FEZF2: variants seen among roughly 807,000 people sequenced by gnomAD.
FEZF2 encodes fez family zinc finger protein 2.
In FEZF2, 2 loss-of-function variants were observed where a neutral mutation model predicts 32.8. The observed-to-expected ratio is 0.06, with a 90% CI of 0.02 to 0.19. The LOEUF is 0.19. Among genes scored for constraint, FEZF2 ranks in the 10% least tolerant of loss-of-function variants. The pLI, the probability that FEZF2 is intolerant of heterozygous loss-of-function variation, is 1.00. For missense variants in FEZF2, 516 were observed against 625.4 expected (o/e 0.83, Z 1.87); for synonymous variants, 322 against 284.8 (o/e 1.13, Z -1.32).
rs1480998990 is a variant in FEZF2, at chr3:62,369,856, G to T, written c.*227C>A. 5 of 506,670 alleles carry T rather than the reference G, an allele frequency of 9.9e-6. No homozygotes were observed. Among genetic ancestry groups the T allele is most frequent in the South Asian group, 3.2e-5 (1 of 31,644 alleles). 31.4% of individuals were successfully genotyped at this position (506,670 alleles called of 1,614,324 possible). ...GGAGGCCTGGAATTAAATACGTTTC[G>T]GCGCACTGGATTTAAATAAGTTTCC... On this transcript the variant is annotated 3_prime_UTR_variant, in exon 5 of 5. Coordinates refer to ENST00000283268, the MANE Select transcript of FEZF2 (RefSeq NM_018008.4). The surrounding 1 kb of genome is among the most constrained non-coding windows in gnomAD (Gnocchi z 4.2).
intron 2 of FEZF2, 78 bp from the exon 3 acceptor site, chr3:62,371,745 C>G: frequency 6.5e-7 from 1 of 1,534,250 alleles, no homozygotes; most frequent in South Asian, 1.3e-5. Context: ...CACAGCCTAC[C>G]TCCCCCAACC....
intron 2 of FEZF2, 60 bp downstream of exon 2, chr3:62,371,956 CA>C (rs2148945541): frequency 6.4e-7 from 1 of 1,561,518 alleles, no homozygotes; most frequent in South Asian, 1.2e-5. Context: ...CAGGCTGCCC[CA>C]AGGAAGCCGC....
In FEZF2 at chr3:62,370,176, G is replaced by A. The variant is rs756771992; in HGVS notation, c.1287C>T (p.Asn429=). The A allele has an allele frequency of 6.2e-7, 1 of 1,614,192 alleles. No individual in the cohort carries two copies. Among genetic ancestry groups the A allele is most frequent in the South Asian group, 1.1e-5 (1 of 91,086 alleles). The part of the protein sequence containing the change: ...CATCGKGFCR[N]FDLKKHVRKL... ...TGCGCACATGTTTCTTTAAGTCAAA[G>A]TTTCTGCAAAACCCTTTGCCGCAAG... Residue 429 remains asparagine (N), a synonymous_variant, in exon 5 of 5, where the codon AAC becomes AAT. Transcript: ENST00000283268. This position sits in a 1 kb window ranked among gnomAD's most constrained non-coding sequence, Gnocchi z 4.2.
intron 2 of FEZF2, 52 bp downstream of exon 2, chr3:62,371,965 C>T (rs2148945551): frequency 6.4e-7 from 1 of 1,568,642 alleles, no homozygotes; most frequent in Non-Finnish European, 8.6e-7. Flanking sequence ...CCAAGGAAGC[C>T]GCCGCCGCCG....
In FEZF2 at chr3:62,371,323, G is replaced by A; in HGVS notation, c.1014C>T (p.Cys338=). The A allele has an allele frequency of 6.2e-7, 1 of 1,614,174 alleles. No individual in the cohort carries two copies. The highest frequency in any genetic ancestry group is 1.1e-5 in the South Asian group (1 of 91,086). Reference sequence around the variant, plus strand: ...TGGAGCTGCGGTTGAACGCTTTGCCGCACTGGTTGCATTTATGTGGCTTTT... The same window carrying A: ...TGGAGCTGCGGTTGAACGCTTTGCCACACTGGTTGCATTTATGTGGCTTTT... ...TQEKPHKCNQ[C]GKAFNRSSTL... is the part of the protein sequence containing the mutation. Residue 338 remains cysteine, a synonymous_variant, in exon 4 of 5, where the codon TGC becomes TGT. Coordinates refer to ENST00000283268, the MANE Select transcript of FEZF2 (RefSeq NM_018008.4).
At position 62,373,100 on chromosome 3, in the gene FEZF2, C is replaced by G; in HGVS notation, c.-58-174G>C. The G allele has an allele frequency of 3.4e-6, 1 of 293,502 alleles. No individual in the cohort carries two copies. Among genetic ancestry groups the G allele is most frequent in the Non-Finnish European group, 6.2e-6 (1 of 161,638 alleles). 18.2% of individuals were successfully genotyped at this position (293,502 alleles called of 1,614,324 possible). Reference sequence around the variant, plus strand: ...GAACCCACCAGCCCCTGCCCTGGGACTTTGAAAGGGGGAAGAAGGGGGAGG... The same window carrying G: ...GAACCCACCAGCCCCTGCCCTGGGAGTTTGAAAGGGGGAAGAAGGGGGAGG... On this transcript the variant is annotated intron_variant, in intron 1 of 4. Transcript: ENST00000283268. This position sits in a 1 kb window ranked among gnomAD's most constrained non-coding sequence, Gnocchi z 5.5.
chr3:62,372,331 A>C lies in FEZF2; in HGVS notation c.538T>G (p.Tyr180Asp). The change falls in exon 2 of 5, where the codon TAC becomes GAC. Residue 180 changes from tyrosine to aspartate, a missense_variant. Coordinates refer to ENST00000283268, the MANE Select transcript of FEZF2 (RefSeq NM_018008.4). The surrounding 1 kb of genome is among the most constrained non-coding windows in gnomAD (Gnocchi z 9.6). ...YYFNYLDSTAYPPSELLSGHL... is the reference protein window; with the variant it reads ...YYFNYLDSTADPPSELLSGHL... ...CCGCTGAGGAGCTCAGACGGCGGGT[A>C]CGCGGTCGAGTCCAGGTAGTTGAAG... is the stretch of plus-strand genomic sequence containing the variant. 1 of 1,610,190 alleles carries C rather than the reference A, an allele frequency of 6.2e-7. No individual in the cohort carries two copies. Among genetic ancestry groups the C allele is most frequent in the South Asian group, 1.1e-5 (1 of 90,800 alleles).
rs373510140 is a variant in FEZF2 at position 62,372,464 on chromosome 3, G to A, written c.405C>T (p.Cys135=). The A allele has an allele frequency of 3.0e-5, 48 of 1,598,194 alleles. No homozygotes were observed. The African/African-American group carries it at 6.2e-4, about 21-fold the overall frequency. Residue 135 remains cysteine (C), a synonymous_variant, in exon 2 of 5, where the codon TGC becomes TGT. Transcript: ENST00000283268. The surrounding 1 kb of genome is among the most constrained non-coding windows in gnomAD (Gnocchi z 9.6). ...GLCKTNCGVC[C]KAELGLAPSA... is the part of the protein sequence containing the mutation. ...ACGGCGCCAGGCCCAGCTCGGCCTT[G>A]CAGCACACGCCACAGTTGGTTTTGC...
Position 62,372,031 on chromosome 3 carries a change from C to G in FEZF2, c.838G>C (p.Glu280Gln). Residue 280 changes from glutamate (E) to glutamine (Q), a missense_variant, in exon 2 of 5, where the codon GAG (glutamate) becomes CAG (glutamine). Around this residue, in one of 3 missense-constraint regions of FEZF2, gnomAD observed 79 missense variants for 219.4 expected, o/e 0.36. Coordinates refer to ENST00000283268, the MANE Select transcript of FEZF2 (RefSeq NM_018008.4). The surrounding 1 kb of genome is among the most constrained non-coding windows in gnomAD (Gnocchi z 9.6). ...CTGGGCCTCACCTTGCCGCACACCT[C>G]GCAGGTGAAGTTTTTGGGCTTGCCA... ...ADGKPKNFTC[E>Q]VCGKVFNAHY... is the part of the protein sequence containing the mutation. 6.2e-7 allele frequency: 1 copy of G among 1,606,220 alleles called. No individual in the cohort carries two copies. Among genetic ancestry groups the G allele is most frequent in the Non-Finnish European group, 8.5e-7 (1 of 1,179,480 alleles).
In FEZF2 at chr3:62,372,784, C is replaced by G. The variant is rs1357615633; in HGVS notation, c.85G>C (p.Ala29Pro). 6.3e-7 allele frequency: 1 copy of G among 1,596,190 alleles called. No individual in the cohort carries two copies. Among genetic ancestry groups the G allele is most frequent in the African/African-American group, 1.4e-5 (1 of 73,854 alleles). The change falls in exon 2 of 5, where the codon GCC (alanine) becomes CCC (proline). Residue 29 changes from alanine to proline, a missense_variant. This residue lies in a region of FEZF2 where 408 missense variants were observed against 382.2 expected (regional missense o/e 1.07). Coordinates refer to ENST00000283268, the MANE Select transcript of FEZF2 (RefSeq NM_018008.4). The surrounding 1 kb of genome is among the most constrained non-coding windows in gnomAD (Gnocchi z 9.6). The part of the protein sequence containing the change: ...GASPATSKTL[A>P]FSIERIMAKT... ...GCCATGATGCGCTCGATGGAAAAGG[C>G]CAGTGTCTTGGAAGTGGCCGGCGAC...
chr3:62,370,857 AG>A lies in FEZF2; in HGVS notation c.1120+359del, dbSNP rs1212285649. 2.6e-5 allele frequency among the ~76,000 whole-genome samples: 4 copies of A among 152,192 alleles called. No homozygotes were observed. The highest frequency in any genetic ancestry group is 5.9e-5 in the Non-Finnish European group (4 of 68,016). On this transcript the variant is annotated intron_variant, in intron 4 of 4. Transcript: ENST00000283268. This position sits in a 1 kb window ranked among gnomAD's most constrained non-coding sequence, Gnocchi z 4.2. ...CCCCCAATCTTAGATTGTTCCCGGG[AG>A]GGTTATTTTGCCTCCAATATTTTTC...
In FEZF2 at chr3:62,373,480, C is replaced by G. The variant is rs1414522841; in HGVS notation, c.-260G>C. 1 of 152,080 alleles carries G rather than the reference C, an allele frequency of 6.6e-6. No homozygotes were observed. Among genetic ancestry groups the G allele is most frequent in the Non-Finnish European group, 1.5e-5 (1 of 67,984 alleles). The allele number at this position is 152,080 out of a possible 1,614,324, so 9.4% of individuals were successfully genotyped here. A position where few individuals can be genotyped will look rare whatever the true frequency, so the allele number is the denominator to read the frequency against. ...GGCCCCTGTGTTCCCCCGCGCCTGC[C>G]GGCCGCCGCCACCACCGCCCCTCAA... On this transcript the variant is annotated 5_prime_UTR_variant, in exon 1 of 5. Transcript: ENST00000283268. The surrounding 1 kb of genome is among the most constrained non-coding windows in gnomAD (Gnocchi z 5.5).
Position 62,373,058 on chromosome 3 carries a change from TA to T in FEZF2, c.-58-133del, listed in dbSNP as rs1398489142. On this transcript the variant is annotated intron_variant, in intron 1 of 4. Transcript: ENST00000283268. The surrounding 1 kb of genome is among the most constrained non-coding windows in gnomAD (Gnocchi z 5.5). ...CCAAGGGTACCAAATTACCGCCCAT[TA>T]ACCCGGCGCGCAAAGGAACCCACCA... 2.7e-6 allele frequency: 1 copy of T among 368,900 alleles called. No individual in the cohort carries two copies. Among genetic ancestry groups the T allele is most frequent in the East Asian group, 4.8e-5 (1 of 20,682 alleles). The allele number at this position is 368,900 out of a possible 1,614,324, so 22.9% of individuals were successfully genotyped here.
Position 62,370,240 on chromosome 3 carries a change from A to C in FEZF2, c.1223T>G (p.Met408Arg). 1 of 1,614,222 alleles carries C rather than the reference A, an allele frequency of 6.2e-7. No homozygotes were observed. Among genetic ancestry groups the C allele is most frequent in the Non-Finnish European group, 8.5e-7 (1 of 1,180,042 alleles). ...FHQVYNLTFH[M>R]HTHNDKKPFT... ...AGGCTTCTTGTCGTTGTGGGTGTGCATATGGAAGGTTAGGTTGTAGACCTG... is the reference window on the plus strand; with the variant it reads ...AGGCTTCTTGTCGTTGTGGGTGTGCCTATGGAAGGTTAGGTTGTAGACCTG... The change falls in exon 5 of 5, where the codon ATG becomes AGG. Residue 408 changes from methionine (M) to arginine (R), a missense_variant. By Grantham distance (91) the Met-to-Arg change is moderately conservative. This residue lies in a region of FEZF2 where 79 missense variants were observed against 219.4 expected (regional missense o/e 0.36). Coordinates refer to ENST00000283268, the MANE Select transcript of FEZF2 (RefSeq NM_018008.4). This position sits in a 1 kb window ranked among gnomAD's most constrained non-coding sequence, Gnocchi z 4.2.
At chr3:62,371,926 A>G (rs1704275387) in intron 2 of FEZF2, 91 bp downstream of exon 2, 1 of 1,505,386 alleles carries the variant, frequency 6.6e-7, no homozygotes, top group African/African-American at 1.4e-5. Flanking sequence ...GGAGCTCCTC[A>G]GCTTGAAAAA....
In FEZF2 at chr3:62,369,725, T is replaced by C. The variant is rs1039296892; in HGVS notation, c.*358A>G. On this transcript the variant is annotated 3_prime_UTR_variant, in exon 5 of 5. Transcript: ENST00000283268. The surrounding 1 kb of genome is among the most constrained non-coding windows in gnomAD (Gnocchi z 4.2). ...TATGTATATATTCCGTGTTCGCTTG[T>C]ACAGGAGGATTTACATGGCTGTATA... The C allele has an allele frequency of 8.2e-6, 2 of 244,518 alleles. No individual in the cohort carries two copies. Among genetic ancestry groups the C allele is most frequent in the Non-Finnish European group, 7.9e-6 (1 of 126,188 alleles). 15.1% of individuals were successfully genotyped at this position (244,518 alleles called of 1,614,324 possible). A position where few individuals can be genotyped will look rare whatever the true frequency, so the allele number is the denominator to read the frequency against.
rs1301807168 is a variant in FEZF2, at chr3:62,370,757, G to GC, written c.1121-416dup. ...TCATTTTTAAAGTTACTTCTTTCTC[G>GC]CCCCCCAACTACCAACTGAAGATCC... On this transcript the variant is annotated intron_variant, in intron 4 of 4. Coordinates refer to ENST00000283268, the MANE Select transcript of FEZF2 (RefSeq NM_018008.4). The surrounding 1 kb of genome is among the most constrained non-coding windows in gnomAD (Gnocchi z 4.2). 6.6e-6 allele frequency among the ~76,000 whole-genome samples: 1 copy of GC among 151,680 alleles called. No individual in the cohort carries two copies. Among genetic ancestry groups the GC allele is most frequent in the Non-Finnish European group, 1.5e-5 (1 of 67,940 alleles).
At chr3:62,371,137 C>T in intron 4 of FEZF2, 80 bp downstream of exon 4, 1 of 1,604,164 alleles carries the variant, frequency 6.2e-7, no homozygotes, top group Non-Finnish European at 8.5e-7. Flanking sequence ...TCTCCAGATC[C>T]CTCTTTGCCT....
At chr3:62,371,154 C>CA in intron 4 of FEZF2, 63 bp downstream of exon 4, 1 of 1,612,526 alleles carries the variant, frequency 6.2e-7, no homozygotes, top group Non-Finnish European at 8.5e-7. Context: ...GCCTTCCTGC[C>CA]AGCCAGCCGC....
Sources: allele counts gnomAD v4.1 joint callset (sites outside exome capture counted in the v4.1 genomes callset), GRCh38; gene constraint gnomAD v4.1.1; regional missense constraint gnomAD v4.1.1; non-coding constraint Gnocchi (gnomAD v3.1); transcripts MANE v1.5; gene names NCBI Gene and HGNC (gene_info 2026-07-23, HGNC 2026-07-21).